Variants in OTUB2 observed in about 807,000 individuals in gnomAD.
OTUB2 encodes ubiquitin thioesterase OTUB2.
A neutral mutation model predicts 25.1 loss-of-function variants in OTUB2; 21 were observed. The ratio of observed to expected loss-of-function variants is 0.84; its 90% CI spans 0.59 to 1.21. The LOEUF (loss-of-function observed/expected upper bound fraction) is 1.21. Ranked by LOEUF, OTUB2 falls within the 50% of genes most tolerant of loss-of-function variation. The pLI is 0.00. For synonymous variants in OTUB2, 122 were observed against 122.8 expected (o/e 0.99, Z 0.04); for missense variants, 283 against 298.0 (o/e 0.95, Z 0.37).
At chr14:94,043,837 AG>A in intron 3 of OTUB2, 133 bp from the exon 4 acceptor site, 1 of 774,366 alleles carries the variant, frequency 1.3e-6, no homozygotes. Context: ...TGTTGGGGGC[AG>A]GGGCGGGAGG....
At chr14:94,029,186 T>C (rs1884915962) in intron 1 of OTUB2, among the ~76,000 whole-genome samples, 2 of 152,296 alleles carry the variant, frequency 1.3e-5, no homozygotes, top group Admixed American at 1.3e-4. Context: ...GGACGACCTC[T>C]CTGACGATGA....
Position 94,037,402 on chromosome 14 carries a change from T to C in OTUB2, c.26T>C (p.Ile9Thr). MSETSFNL[I>T]SEKCDILSIL... ...CAGAGTGAAACATCTTTCAACCTAATATCAGAAAAATGTGACATTCTATCC... is the reference window on the plus strand; with the variant it reads ...CAGAGTGAAACATCTTTCAACCTAACATCAGAAAAATGTGACATTCTATCC... Residue 9 changes from isoleucine to threonine, a missense_variant, in exon 2 of 6, where the codon ATA (isoleucine) becomes ACA (threonine). Physicochemically the swap from Ile to Thr is moderately conservative, Grantham distance 89. Coordinates refer to ENST00000203664, the MANE Select transcript of OTUB2 (RefSeq NM_023112.4). 5 of 1,596,902 alleles carry C rather than the reference T, an allele frequency of 3.1e-6. No homozygotes were observed. The highest frequency in any genetic ancestry group is 4.3e-6 in the Non-Finnish European group (5 of 1,164,876).
chr14:94,035,156 C>T (rs560438267), intron 1 of OTUB2, among the ~76,000 whole-genome samples: 16 of 152,122 alleles, frequency 1.1e-4, no homozygotes, highest in South Asian at 6.2e-4. Flanking sequence ...AAAGAAGGGT[C>T]GGTACAGAGT....
chr14:94,029,708 T>C (rs1415588438), intron 1 of OTUB2, among the ~76,000 whole-genome samples: 3 of 152,186 alleles, frequency 2.0e-5, no homozygotes, highest in Admixed American at 6.5e-5. Context: ...GTTCAACCCA[T>C]AACACTCCGT....
intron 3 of OTUB2, among the ~76,000 whole-genome samples, chr14:94,039,997 T>C (rs1193848160): frequency 1.3e-5 from 2 of 151,942 alleles, no homozygotes; most frequent in Non-Finnish European, 2.9e-5. Context: ...GTCCTATGCA[T>C]TGTAGGCCTA....
chr14:94,026,598 T>C, intron 1 of OTUB2, 58 bp downstream of exon 1: 1 of 948,284 alleles, frequency 1.1e-6, no homozygotes, highest in African/African-American at 1.7e-5. Flanking sequence ...GTGGGCGGGG[T>C]CGCTGCCGGA....
chr14:94,035,068 T>A lies in OTUB2; in HGVS notation c.4-2312T>A, dbSNP rs576804119. Among the ~76,000 whole-genome samples the A allele has an allele frequency of 2.0e-5, 3 of 152,300 alleles. No individual in the cohort carries two copies. The South Asian group carries it at 6.2e-4, about 32-fold the overall frequency. The stretch of plus-strand genomic sequence containing the variant: ...GTGTTGTCTGATTCCTCCTGATGGC[T>A]TTCCTGTTGCTTTGCCAGCCCACGC... On this transcript the variant is annotated intron_variant, in intron 1 of 5. Coordinates refer to ENST00000203664, the MANE Select transcript of OTUB2 (RefSeq NM_023112.4).
rs558407123 is a variant in OTUB2, at chr14:94,036,833, C to G, written c.4-547C>G. ...GGCATCTCCATGTACCAGTGCCACA[C>G]ACTGCGGCCTCTTCTGGTGACCTTA... On this transcript the variant is annotated intron_variant, in intron 1 of 5. Coordinates refer to ENST00000203664, the MANE Select transcript of OTUB2 (RefSeq NM_023112.4). Among the ~76,000 whole-genome samples, 13 of 152,304 alleles carry G rather than the reference C, an allele frequency of 8.5e-5. No homozygotes were observed. The East Asian group carries it at 2.3e-3, about 27-fold the overall frequency.
At chr14:94,030,575 C>G (rs1486864583) in intron 1 of OTUB2, among the ~76,000 whole-genome samples, 1 of 150,190 alleles carries the variant, frequency 6.7e-6, no homozygotes, top group African/African-American at 2.5e-5. Context: ...AATAACTGAC[C>G]CGGGGGGGAA....
In OTUB2 at chr14:94,033,206, G is replaced by A. The variant is rs140245267; in HGVS notation, c.4-4174G>A. The stretch of plus-strand genomic sequence containing the variant: ...ATTACAGAGGTGAGCCACCGAGCCC[G>A]GCCCTATGTAATATTTTTCCTTAAC... On this transcript the variant is annotated intron_variant, in intron 1 of 5. Coordinates refer to ENST00000203664, the MANE Select transcript of OTUB2 (RefSeq NM_023112.4). Among the ~76,000 whole-genome samples, 156 of 152,092 alleles carry A rather than the reference G, an allele frequency of 1.0e-3. 1 individual carries two copies. The highest frequency in any genetic ancestry group is 3.5e-3 in the African/African-American group (147 of 41,496).
intron 1 of OTUB2, among the ~76,000 whole-genome samples, chr14:94,034,616 C>G (rs745685779): frequency 3.3e-5 from 5 of 152,216 alleles, no homozygotes; most frequent in African/African-American, 7.2e-5. Flanking sequence ...GTCAGCCTCT[C>G]TCCCTGAGCC....
intron 4 of OTUB2, among the ~76,000 whole-genome samples, chr14:94,044,312 T>C (rs1885221588): frequency 2.0e-5 from 3 of 152,198 alleles, no homozygotes; most frequent in Non-Finnish European, 2.9e-5. Context: ...ACTCTGAGTG[T>C]GCACGTGAGA....
chr14:94,044,802 C>G, intron 5 of OTUB2, 22 bp downstream of exon 5: 1 of 1,597,408 alleles, frequency 6.3e-7, no homozygotes, highest in Non-Finnish European at 8.5e-7. Context: ...GGGTCTCAGC[C>G]CCAGCCCTGG....
chr14:94,042,678 C>T (rs1885186708), intron 3 of OTUB2, among the ~76,000 whole-genome samples: 1 of 152,202 alleles, frequency 6.6e-6, no homozygotes, highest in Non-Finnish European at 1.5e-5. Context: ...ACAGGGGGTG[C>T]TGATGAGGGT....
chr14:94,047,846 G>A lies in OTUB2; in HGVS notation c.*1924G>A, dbSNP rs899215897. 10 of 152,188 alleles carry A rather than the reference G, an allele frequency of 6.6e-5. No homozygotes were observed. The highest frequency in any genetic ancestry group is 2.4e-4 in the African/African-American group (10 of 41,424). 9.4% of individuals were successfully genotyped at this position (152,188 alleles called of 1,614,324 possible). ...AGACTGGCTGGAGAAATTCCCTCTA[G>A]GAGACTTGCCTGTGCTGTGCTTCCA... On this transcript the variant is annotated 3_prime_UTR_variant, in exon 6 of 6. Transcript: ENST00000203664.
intron 1 of OTUB2, among the ~76,000 whole-genome samples, chr14:94,034,521 C>T (rs757948021): frequency 1.3e-5 from 2 of 152,204 alleles, no homozygotes; most frequent in African/African-American, 2.4e-5. Flanking sequence ...CTTCTTAGCA[C>T]AGGGCACCTG....
At chr14:94,034,862 G>A (rs1444999166) in intron 1 of OTUB2, among the ~76,000 whole-genome samples, 1 of 152,182 alleles carries the variant, frequency 6.6e-6, no homozygotes, top group Non-Finnish European at 1.5e-5. Flanking sequence ...CTTTTCATGG[G>A]TCCAGCTGGC....
At chr14:94,027,938 T>C (rs1884894062) in intron 1 of OTUB2, among the ~76,000 whole-genome samples, 1 of 151,960 alleles carries the variant, frequency 6.6e-6, no homozygotes, top group Non-Finnish European at 1.5e-5. Context: ...CACCAGGGAG[T>C]GGTGGAGCTG....
intron 1 of OTUB2, among the ~76,000 whole-genome samples, chr14:94,031,088 C>T (rs754131288): frequency 1.2e-4 from 19 of 152,210 alleles, no homozygotes; most frequent in African/African-American, 4.3e-4. Context: ...GGCTTCCAAA[C>T]GATTATCATC....
Sources: allele counts gnomAD v4.1 joint callset (sites outside exome capture counted in the v4.1 genomes callset), GRCh38; gene constraint gnomAD v4.1.1; transcripts MANE v1.5; gene names NCBI Gene and HGNC (gene_info 2026-07-23, HGNC 2026-07-21).